The following PIAS2 variants were observed in gnomAD, a reference collection of about 807,000 sequenced individuals.
PIAS2 encodes E3 SUMO-protein ligase PIAS2.
A neutral mutation model predicts 69.7 loss-of-function variants in PIAS2; 19 were observed. The observed-to-expected ratio is 0.27, with a 90% CI of 0.19 to 0.40. The LOEUF is 0.40. Among genes scored for constraint, PIAS2 ranks in the 10% least tolerant of loss-of-function variants. PIAS2 has a pLI of 1.00. For synonymous variants in PIAS2, 261 were observed against 263.2 expected (o/e 0.99, Z 0.08); for missense variants, 624 against 757.0 (o/e 0.82, Z 2.06).
At chr18:46,819,561 A>G (rs1370746940) in intron 12 of PIAS2, among the ~76,000 whole-genome samples, 2 of 152,168 alleles carry the variant, frequency 1.3e-5, no homozygotes, top group Non-Finnish European at 2.9e-5. Context: ...ATACCGAGCC[A>G]ATTATCAATT....
intron 3 of PIAS2, among the ~76,000 whole-genome samples, chr18:46,863,325 A>G (rs1236880957): frequency 6.6e-6 from 1 of 152,008 alleles, no homozygotes; most frequent in East Asian, 1.9e-4. Flanking sequence ...GCTTTACCCA[A>G]TATATATATT....
intron 2 of PIAS2, among the ~76,000 whole-genome samples, chr18:46,878,769 G>A (rs1214532120): frequency 2.0e-5 from 3 of 152,230 alleles, no homozygotes; most frequent in Non-Finnish European, 4.4e-5. Flanking sequence ...TCAGGAGACT[G>A]CGGTAGCAGA....
chr18:46,918,694 T>A (rs1250328804), upstream of PIAS2, among the ~76,000 whole-genome samples: 2 of 152,150 alleles, frequency 1.3e-5, no homozygotes, highest in African/African-American at 4.8e-5. Flanking sequence ...AGTACTGAGA[T>A]TACAGGCGTG....
chr18:46,909,255 G>A (rs914089343), intron 1 of PIAS2, among the ~76,000 whole-genome samples: 1 of 152,084 alleles, frequency 6.6e-6, no homozygotes, highest in Non-Finnish European at 1.5e-5. Flanking sequence ...TTTTATACTC[G>A]TGGGTAAAAA....
rs2052909574 is a variant in PIAS2, at chr18:46,884,933, AAAAATTGAAG to A, written c.499+5637_499+5646del. Among the ~76,000 whole-genome samples the A allele has an allele frequency of 5.9e-5, 9 of 152,126 alleles. No individual in the cohort carries two copies. The South Asian group carries it at 1.7e-3, about 28-fold the overall frequency. ...TCTGTCTCAAAAAAAAAAAAACTTAAAAAATTGAAGAGGAAATCAAGACTGCCTGTGAGAG... is the reference window on the plus strand; with the variant it reads ...TCTGTCTCAAAAAAAAAAAAACTTAAAGGAAATCAAGACTGCCTGTGAGAG... On this transcript the variant is annotated intron_variant, in intron 2 of 13. Transcript: ENST00000585916.
chr18:46,844,766 C>A lies in PIAS2; in HGVS notation c.935G>T (p.Gly312Val). The A allele has an allele frequency of 1.4e-6, 2 of 1,477,268 alleles. No individual in the cohort carries two copies. The highest frequency in any genetic ancestry group is 1.8e-6 in the Non-Finnish European group (2 of 1,109,734). 91.5% of individuals were successfully genotyped at this position (1,477,268 alleles called of 1,614,324 possible). ...AMLLQRLKMK[G>V]IRNPDHSRAL... ...TCTGGAATGATCAGGGTTTCTAATA[C>A]CTTTCATTTTTAATCTCTGTAATAA... is the stretch of plus-strand genomic sequence containing the variant. The change falls in exon 7 of 14, where the codon GGT (glycine) becomes GTT (valine). Residue 312 changes from glycine (G) to valine (V), a missense_variant. By Grantham distance (109) the Gly-to-Val change is moderately radical. Transcript: ENST00000585916.
At chr18:46,902,206 C>T (rs1378825384) in intron 1 of PIAS2, among the ~76,000 whole-genome samples, 6 of 149,866 alleles carry the variant, frequency 4.0e-5, no homozygotes, top group East Asian at 1.9e-4. Flanking sequence ...GTAACAAACA[C>T]GTACAGGACT....
At chr18:46,829,907 C>T in intron 9 of PIAS2, 40 bp from the exon 10 acceptor site, 1 of 1,577,416 alleles carries the variant, frequency 6.3e-7, no homozygotes, top group African/African-American at 1.4e-5. Flanking sequence ...TGATCAACAG[C>T]TTTGCCTAAA....
intron 2 of PIAS2, among the ~76,000 whole-genome samples, chr18:46,884,414 G>A (rs932528316): frequency 1.3e-4 from 20 of 151,874 alleles, no homozygotes; most frequent in African/African-American, 1.9e-4. Flanking sequence ...CCAGATTCAC[G>A]CCATTCTCCT....
intron 1 of PIAS2, among the ~76,000 whole-genome samples, chr18:46,897,878 T>G (rs1284622196): frequency 2.2e-5 from 3 of 136,160 alleles, no homozygotes; most frequent in East Asian, 2.0e-4. Flanking sequence ...AATTTTTGGG[T>G]TTTTTTTTTT....
rs1365194019 is a variant in PIAS2 at position 46,803,629 on chromosome 18, C to T, written c.*8804G>A. On this transcript the variant is annotated 3_prime_UTR_variant, in exon 14 of 14. Coordinates refer to ENST00000585916, the MANE Select transcript of PIAS2 (RefSeq NM_004671.5). ...AGGTCAACTGATTTTTGTTCCAGTT[C>T]CAAAGTATTGAGTCTAATAATGATT... 1.3e-5 allele frequency: 2 copies of T among 152,168 alleles called. No individual in the cohort carries two copies. Among genetic ancestry groups the T allele is most frequent in the Admixed American group, 6.5e-5 (1 of 15,276 alleles). 9.4% of individuals were successfully genotyped at this position (152,168 alleles called of 1,614,324 possible).
intron 8 of PIAS2, among the ~76,000 whole-genome samples, chr18:46,840,940 A>G (rs903250191): frequency 2.6e-5 from 4 of 152,092 alleles, no homozygotes; most frequent in Non-Finnish European, 4.4e-5. Context: ...AAAAGGCCCA[A>G]AATGGTGGTT....
chr18:46,913,642 G>T (rs1419291814), intron 1 of PIAS2, among the ~76,000 whole-genome samples: 1 of 151,974 alleles, frequency 6.6e-6, no homozygotes, highest in Non-Finnish European at 1.5e-5. Context: ...GATTAACCAG[G>T]TTAAAGTGTA....
chr18:46,836,144 G>T, intron 9 of PIAS2: 1 of 388,330 alleles, frequency 2.6e-6, no homozygotes, highest in Non-Finnish European at 4.7e-6. Context: ...TGCCCTCAAC[G>T]CAAATCATAT....
At chr18:46,855,992 C>CTTTTTTTTTTTTTTTTTTCTT (rs1256937354) in intron 3 of PIAS2, among the ~76,000 whole-genome samples, 1 of 69,150 alleles carries the variant, frequency 1.4e-5, no homozygotes, top group African/African-American at 5.6e-5. Context: ...TTTTCTTTTT[C>CTTTTTTTTTTTTTTTTTTCTT]TTTTGTTTTT....
intron 3 of PIAS2, among the ~76,000 whole-genome samples, chr18:46,859,793 T>G (rs966898047): frequency 6.6e-6 from 1 of 152,176 alleles, no homozygotes; most frequent in African/African-American, 2.4e-5. Context: ...AAAAGGTGTC[T>G]AGAGGGAGGT....
At position 46,810,856 on chromosome 18, in the gene PIAS2, T is replaced by C. The variant is rs1163466735; in HGVS notation, c.*1577A>G. 1 of 152,008 alleles carries C rather than the reference T, an allele frequency of 6.6e-6. No individual in the cohort carries two copies. The highest frequency in any genetic ancestry group is 2.4e-5 in the African/African-American group (1 of 41,372). 9.4% of individuals were successfully genotyped at this position (152,008 alleles called of 1,614,324 possible). ...ATGAGTCCACACCTGGGCACTTCAGTTTGAGAAATCAATTGGTTGGACTGG... is the reference window on the plus strand; with the variant it reads ...ATGAGTCCACACCTGGGCACTTCAGCTTGAGAAATCAATTGGTTGGACTGG... On this transcript the variant is annotated 3_prime_UTR_variant, in exon 14 of 14. Coordinates refer to ENST00000585916, the MANE Select transcript of PIAS2 (RefSeq NM_004671.5).
At chr18:46,834,791 T>A (rs1026169024) in intron 9 of PIAS2, among the ~76,000 whole-genome samples, 1 of 152,190 alleles carries the variant, frequency 6.6e-6, no homozygotes, top group Admixed American at 6.5e-5. Context: ...TAGACATTTT[T>A]AAAGTAAGTT....
At chr18:46,920,107 T>C (rs961234528), upstream of PIAS2, 14 of 1,289,310 alleles carry the variant, frequency 1.1e-5, no homozygotes, top group South Asian at 1.4e-4. Flanking sequence ...TGCCCCTTCC[T>C]CAATGTGTAG....
Sources: gnomAD v4.1 joint callset for allele counts (sites outside exome capture counted in the v4.1 genomes callset) on GRCh38, gnomAD v4.1.1 for gene constraint, MANE v1.5 for transcripts, NCBI Gene and HGNC (gene_info 2026-07-23, HGNC 2026-07-21) for gene names.